Variants in HOXB3 observed in about 807,000 individuals in gnomAD.
HOXB3 encodes the protein homeobox B3.
Under a neutral mutation model 29.2 loss-of-function variants are expected in HOXB3, and 17 were observed. The ratio of observed to expected loss-of-function variants is 0.58; its 90% CI spans 0.40 to 0.87. HOXB3 has a LOEUF of 0.87. Among genes scored for constraint, HOXB3 ranks in the 40% least tolerant of loss-of-function variants. HOXB3 has a pLI of 0.00. For synonymous variants in HOXB3, 317 were observed against 285.9 expected (o/e 1.11, Z -1.10); for missense variants, 637 against 616.3 (o/e 1.03, Z -0.35).
Position 48,576,736 on chromosome 17 carries a change from G to C in HOXB3, c.-424-2722C>G, listed in dbSNP as rs570743872. 1.2e-6 allele frequency: 2 copies of C among 1,609,210 alleles called. No homozygotes were observed. The highest frequency in any genetic ancestry group is 4.5e-5 in the East Asian group (2 of 44,770). On this transcript the variant is annotated intron_variant, in intron 1 of 4. Transcript: ENST00000498678. ...GTGCGGGGGCACTAGAGCGCGCGGG[G>C]GCCTCCATTGGGCCGGCCAGGGGGC...
At chr17:48,570,739 C>T (rs2069559855) in intron 2 of HOXB3, among the ~76,000 whole-genome samples, 1 of 152,200 alleles carries the variant, frequency 6.6e-6, no homozygotes, top group Non-Finnish European at 1.5e-5. Flanking sequence ...GGTGGGGGCG[C>T]CGGCCAGGCC....
chr17:48,582,154 G>A (rs1019549779), intron 1 of HOXB3: 2 of 152,312 alleles, frequency 1.3e-5, no homozygotes, highest in African/African-American at 4.8e-5. Flanking sequence ...ATCACCTTTT[G>A]TTGGCGGGGA....
At chr17:48,581,543 G>C (rs1425549347) in intron 1 of HOXB3, 1 of 152,172 alleles carries the variant, frequency 6.6e-6, no homozygotes, top group Non-Finnish European at 1.5e-5. Flanking sequence ...CACTCCAACG[G>C]TCCAGGCCCC....
rs1159583574 is a variant in HOXB3, at chr17:48,555,353, A to G, written c.-159+178T>C. 124 of 493,300 alleles carry G rather than the reference A, an allele frequency of 2.5e-4. 1 individual carries two copies. Among genetic ancestry groups the G allele is most frequent in the Admixed American group, 4.2e-4 (14 of 33,132 alleles). The allele number at this position is 493,300 out of a possible 1,614,324, so 30.6% of individuals were successfully genotyped here. ...GAGAGAGGGAGAGAGAGAGAGAGAG[A>G]GAGAGAGAGAGGGAGGGAGGGAGGG... On this transcript the variant is annotated intron_variant, in intron 3 of 4. Transcript: ENST00000498678.
At chr17:48,586,373 C>T (rs1442126581) in intron 1 of HOXB3, among the ~76,000 whole-genome samples, 2 of 152,302 alleles carry the variant, frequency 1.3e-5, no homozygotes, top group Admixed American at 6.5e-5. Context: ...TCAGTAAATT[C>T]GCCAAAAGAA....
At chr17:48,578,020 C>T (rs1299981083) in intron 1 of HOXB3, 3 of 1,261,186 alleles carry the variant, frequency 2.4e-6, no homozygotes, top group Non-Finnish European at 2.0e-6. Flanking sequence ...GGAGGAGGGC[C>T]CCGGCGGGTG....
intron 1 of HOXB3, among the ~76,000 whole-genome samples, chr17:48,577,228 G>C (rs1485153410): frequency 6.6e-6 from 1 of 152,180 alleles, no homozygotes; most frequent in Non-Finnish European, 1.5e-5. Flanking sequence ...GCTGTGCTGT[G>C]TCCTTGTTTG....
In HOXB3 at chr17:48,554,689, A is replaced by G. The variant is rs1378376138; in HGVS notation, c.-159+842T>C. The G allele has an allele frequency of 1.1e-5, 8 of 702,328 alleles. No individual in the cohort carries two copies. The East Asian group carries it at 1.9e-4, about 16-fold the overall frequency. The allele number at this position is 702,328 out of a possible 1,614,324, so 43.5% of individuals were successfully genotyped here. On this transcript the variant is annotated intron_variant, in intron 3 of 4. Transcript: ENST00000498678. The surrounding 1 kb of genome is among the most constrained non-coding windows in gnomAD (Gnocchi z 4.1). ...ATCAGGACACCAAAACGGTTATCGGAGGCAGGTTCCCAGCACACCAGCCGG... is the reference window on the plus strand; with the variant it reads ...ATCAGGACACCAAAACGGTTATCGGGGGCAGGTTCCCAGCACACCAGCCGG...
At chr17:48,558,844 G>A (rs1279812835) in intron 2 of HOXB3, among the ~76,000 whole-genome samples, 2 of 152,028 alleles carry the variant, frequency 1.3e-5, no homozygotes, top group African/African-American at 4.8e-5. Flanking sequence ...GGAACAGACT[G>A]GAGATACAGA....
chr17:48,555,373 GGAGGGAGGGAGGGA>G (rs2068939610), intron 3 of HOXB3, 144 bp downstream of exon 3: 1 of 509,440 alleles, frequency 2.0e-6, no homozygotes, highest in African/African-American at 2.7e-5. Context: ...AGGGAGGGAG[GGAGGGAGGGAGGGA>G]GGGAGAGAGA....
In HOXB3 at chr17:48,549,729, TG is replaced by T. The variant is rs1156756041; in HGVS notation, c.*604del. ...CTCTAAAAACTGTAATTGATGGGGG[TG>T]GGATGTATAGATATGAATGTTCTAG... is the stretch of plus-strand genomic sequence containing the variant. On this transcript the variant is annotated 3_prime_UTR_variant, in exon 5 of 5. Transcript: ENST00000498678. 1.3e-5 allele frequency: 2 copies of T among 152,446 alleles called. No homozygotes were observed. The highest frequency in any genetic ancestry group is 2.9e-5 in the Non-Finnish European group (2 of 68,288). 9.4% of individuals were successfully genotyped at this position (152,446 alleles called of 1,614,324 possible).
At chr17:48,569,237 C>T (rs988417843) in intron 2 of HOXB3, among the ~76,000 whole-genome samples, 5 of 152,022 alleles carry the variant, frequency 3.3e-5, no homozygotes, top group African/African-American at 1.2e-4. Context: ...GGGGGTCTTT[C>T]GATTTCAGGC....
At chr17:48,558,385 C>G (rs528527802) in intron 2 of HOXB3, among the ~76,000 whole-genome samples, 1 of 152,010 alleles carries the variant, frequency 6.6e-6, no homozygotes, top group African/African-American at 2.4e-5. Context: ...AAAAGAGGAC[C>G]GAGAAGCAAG....
intron 1 of HOXB3, among the ~76,000 whole-genome samples, chr17:48,585,710 A>G (rs989357048): frequency 5.3e-5 from 8 of 152,190 alleles, no homozygotes; most frequent in Non-Finnish European, 1.2e-4. Flanking sequence ...CTTGGGATTC[A>G]GAAAACAGAA....
Position 48,550,295 on chromosome 17 carries a change from C to T in HOXB3, c.*39G>A, listed in dbSNP as rs750871349. 57 of 1,612,356 alleles carry T rather than the reference C, an allele frequency of 3.5e-5. No individual in the cohort carries two copies. The highest frequency in any genetic ancestry group is 1.6e-4 in the South Asian group (15 of 90,952). On this transcript the variant is annotated 3_prime_UTR_variant, in exon 5 of 5. Transcript: ENST00000498678. ...CCCCCCAGAGCTCCACAGTCTCTCT[C>T]TTCCTCCCCATCCCCTAATCCTCGT... is the stretch of plus-strand genomic sequence containing the variant.
intron 1 of HOXB3, chr17:48,576,645 T>TGCCCCCCCCC: frequency 3.6e-6 from 2 of 559,068 alleles, no homozygotes; most frequent in East Asian, 6.5e-5. Flanking sequence ...CAGGGCCCCC[T>TGCCCCCCCCC]CCTGTCCCCC....
chr17:48,569,033 T>TTC (rs1258383591), intron 2 of HOXB3, among the ~76,000 whole-genome samples: 43 of 149,552 alleles, frequency 2.9e-4, no homozygotes, highest in Non-Finnish European at 5.3e-4. Context: ...CTCCCTTTCT[T>TTC]TCTCTCTCTC....
At chr17:48,577,780 A>AC (rs151227265) in intron 1 of HOXB3, 35,581 of 1,160,834 alleles carry the variant, frequency 0.031, 672 homozygotes, top group East Asian at 0.21. Flanking sequence ...CCCCAGCTCA[A>AC]CCCCCCCCCA....
At chr17:48,556,764 T>G (rs1478418772) in intron 2 of HOXB3, 5 of 152,210 alleles carry the variant, frequency 3.3e-5, no homozygotes, top group African/African-American at 1.2e-4. Context: ...GTTTCTGTTA[T>G]GATTCTCACC....
Sources: gnomAD v4.1 joint callset for allele counts (sites outside exome capture counted in the v4.1 genomes callset) on GRCh38, gnomAD v4.1.1 for gene constraint, Gnocchi (gnomAD v3.1) non-coding constraint, MANE v1.5 for transcripts, NCBI Gene and HGNC (gene_info 2026-07-23, HGNC 2026-07-21) for gene names.